Variants in DAPK3 observed in about 807,000 individuals in gnomAD.
DAPK3 encodes the protein death associated protein kinase 3, also known as death-associated protein kinase 3.
In DAPK3, 24 loss-of-function variants were observed where a neutral mutation model predicts 30.6. The observed-to-expected ratio is 0.78, with a 90% CI of 0.57 to 1.10. The LOEUF (loss-of-function observed/expected upper bound fraction) is 1.10. DAPK3 is among the 50% of genes least tolerant of loss of function. DAPK3 has a pLI of 0.00. For missense variants in DAPK3, 629 were observed against 657.3 expected (o/e 0.96, Z 0.47); for synonymous variants, 341 against 284.0 (o/e 1.20, Z -2.02).
intron 2 of DAPK3, among the ~76,000 whole-genome samples, chr19:3,965,254 C>G (rs1374215914): frequency 6.6e-6 from 1 of 152,250 alleles, no homozygotes; most frequent in Non-Finnish European, 1.5e-5. Flanking sequence ...TGCAGAGCCA[C>G]ACGTTAACAC....
intron 2 of DAPK3, among the ~76,000 whole-genome samples, chr19:3,965,364 C>G (rs1401157502): frequency 1.3e-5 from 2 of 152,214 alleles, no homozygotes; most frequent in Non-Finnish European, 2.9e-5. Flanking sequence ...CGCCTGTAAT[C>G]CCAGCACTTT....
intron 6 of DAPK3, 24 bp downstream of exon 6, chr19:3,963,618 GA>G: frequency 6.8e-7 from 1 of 1,480,362 alleles, no homozygotes; most frequent in Non-Finnish European, 9.0e-7. Context: ...TTGCACAGCC[GA>G]GGGGGCCCCC....
At chr19:3,964,412 T>TGCCC in intron 3 of DAPK3, 39 bp from the exon 4 acceptor site, 8 of 1,539,966 alleles carry the variant, frequency 5.2e-6, no homozygotes, top group Non-Finnish European at 4.4e-6. Flanking sequence ...AGCACGGGCC[T>TGCCC]CCCCCACCCT....
At chr19:3,969,581 G>A in intron 2 of DAPK3, 93 bp downstream of exon 2, 2 of 844,070 alleles carry the variant, frequency 2.4e-6, no homozygotes, top group Non-Finnish European at 2.0e-6. Context: ...CAGCATACAG[G>A]ATAAAGAACA....
Position 3,961,174 on chromosome 19 carries a change from C to A in DAPK3, c.630-13G>T. ...TGCACCGCTCAGGCTGCGAGACAGGCGTGGGGGCTCAGTGGGGTCCTGGGC... is the reference window on the plus strand; with the variant it reads ...TGCACCGCTCAGGCTGCGAGACAGGAGTGGGGGCTCAGTGGGGTCCTGGGC... On this transcript the variant is annotated splice_polypyrimidine_tract_variant and intron_variant, in intron 6 of 8. Transcript: ENST00000545797. 6.2e-7 allele frequency: 1 copy of A among 1,607,440 alleles called. No individual in the cohort carries two copies. The highest frequency in any genetic ancestry group is 1.7e-4 in the Middle Eastern group (1 of 6,038).
intron 3 of DAPK3, 29 bp downstream of exon 3, chr19:3,964,602 C>A (rs1469020335): frequency 1.3e-6 from 2 of 1,532,958 alleles, no homozygotes; most frequent in Non-Finnish European, 1.8e-6. Flanking sequence ...ACTGGCCAGG[C>A]CGGCCCCACA....
At chr19:3,962,132 C>T (rs189305528) in intron 6 of DAPK3, among the ~76,000 whole-genome samples, 32 of 152,308 alleles carry the variant, frequency 2.1e-4, no homozygotes, top group African/African-American at 7.0e-4. Context: ...GCTGAGATTA[C>T]AGGCGTGAGC....
chr19:3,968,802 T>A (rs1200499652), intron 2 of DAPK3, among the ~76,000 whole-genome samples: 1 of 152,102 alleles, frequency 6.6e-6, no homozygotes, highest in Non-Finnish European at 1.5e-5. Context: ...TACATTCCCT[T>A]CTGGTGACAT....
intron 2 of DAPK3, among the ~76,000 whole-genome samples, chr19:3,966,393 G>A (rs1440438251): frequency 6.6e-6 from 1 of 152,186 alleles, no homozygotes; most frequent in Non-Finnish European, 1.5e-5. Context: ...ACCTGGGCAA[G>A]CAGAAAACCA....
intron 7 of DAPK3, among the ~76,000 whole-genome samples, chr19:3,960,740 C>T (rs2039500536): frequency 7.1e-6 from 1 of 141,318 alleles, no homozygotes; most frequent in African/African-American, 2.6e-5. Context: ...GATCACGCCA[C>T]TGCACTGCAC....
rs577336858 is a variant in DAPK3 at position 3,959,611 on chromosome 19, A to T, written c.855T>A (p.Gly285=). The T allele has an allele frequency of 8.7e-5, 137 of 1,583,728 alleles. 1 individual carries two copies. Among genetic ancestry groups the T allele is most frequent in the Admixed American group, 4.8e-4 (28 of 58,328 alleles). The change falls in exon 9 of 9, where the codon GGT becomes GGA. Residue 285 remains glycine, a synonymous_variant. Coordinates refer to ENST00000545797, the MANE Select transcript of DAPK3 (RefSeq NM_001348.3). ...GCTCGGGCTTGCGGCCGCTGTCCTCACCACGCACGTTCCGCCGCCGGATCG... is the reference window on the plus strand; with the variant it reads ...GCTCGGGCTTGCGGCCGCTGTCCTCTCCACGCACGTTCCGCCGCCGGATCG... ...IKAIRRRNVR[G]EDSGRKPERR...
intron 2 of DAPK3, among the ~76,000 whole-genome samples, chr19:3,968,430 G>A (rs1378968349): frequency 1.1e-4 from 17 of 151,592 alleles, no homozygotes; most frequent in Admixed American, 1.1e-3. Flanking sequence ...AGTCGAGATC[G>A]CATCACTGCA....
chr19:3,970,160 A>C (rs142776664), intron 1 of DAPK3, among the ~76,000 whole-genome samples: 1 of 152,170 alleles, frequency 6.6e-6, no homozygotes, highest in Non-Finnish European at 1.5e-5. Flanking sequence ...GCTCAGCCAA[A>C]ATCCCCCACC....
At chr19:3,965,664 T>TTG (rs1204627206) in intron 2 of DAPK3, among the ~76,000 whole-genome samples, 1 of 148,024 alleles carries the variant, frequency 6.8e-6, no homozygotes, top group Non-Finnish European at 1.5e-5. Context: ...CTTTTTTTGT[T>TTG]TTTGTTTTGT....
intron 2 of DAPK3, among the ~76,000 whole-genome samples, chr19:3,967,147 T>C (rs2039586722): frequency 6.6e-6 from 1 of 152,182 alleles, no homozygotes; most frequent in Non-Finnish European, 1.5e-5. Flanking sequence ...GAGTTCATGA[T>C]GTTTAAAAAT....
At chr19:3,960,353 C>A (rs531499356) in intron 7 of DAPK3, among the ~76,000 whole-genome samples, 2 of 152,072 alleles carry the variant, frequency 1.3e-5, no homozygotes, top group Non-Finnish European at 2.9e-5. Context: ...CATGGAGGCC[C>A]GGGGAGGCCT....
intron 1 of DAPK3, 98 bp from the exon 2 acceptor site, chr19:3,969,927 C>CCT: frequency 1.7e-6 from 1 of 582,110 alleles, no homozygotes; most frequent in Non-Finnish European, 3.0e-6. Flanking sequence ...AAGCCTCCCA[C>CCT]CTCTCCACTC....
chr19:3,961,003 T>G lies in DAPK3; in HGVS notation c.782+6A>C. 6.2e-7 allele frequency: 1 copy of G among 1,612,914 alleles called. No homozygotes were observed. The highest frequency in any genetic ancestry group is 8.5e-7 in the Non-Finnish European group (1 of 1,179,576). The stretch of plus-strand genomic sequence containing the variant: ...CCACCCCGTGCCCCCTGCCGGCCCC[T>G]CGTACTTGGGATCTTTGACGAGCAG... On this transcript the variant is annotated splice_donor_region_variant and intron_variant, in intron 7 of 8. Coordinates refer to ENST00000545797, the MANE Select transcript of DAPK3 (RefSeq NM_001348.3).
intron 2 of DAPK3, among the ~76,000 whole-genome samples, chr19:3,968,074 C>T (rs1411763589): frequency 2.0e-5 from 3 of 152,228 alleles, no homozygotes; most frequent in Non-Finnish European, 1.5e-5. Flanking sequence ...GCGATCCTCC[C>T]GCCTTGGCCT....
Sources: allele counts gnomAD v4.1 joint callset (sites outside exome capture counted in the v4.1 genomes callset), GRCh38; gene constraint gnomAD v4.1.1; transcripts MANE v1.5; gene names NCBI Gene and HGNC (gene_info 2026-07-23, HGNC 2026-07-21).